Variants in AFF3 observed in about 807,000 individuals in gnomAD.
AFF3 encodes the protein AF4/FMR2 family member 3.
Under a neutral mutation model 129.7 loss-of-function variants are expected in AFF3, and 32 were observed. That is an observed-to-expected ratio of 0.25 (90% CI 0.19 to 0.33). The LOEUF (loss-of-function observed/expected upper bound fraction) is 0.33, where lower values mean the gene tolerates loss of function less well. AFF3 is among the 10% of genes least tolerant of loss of function. The pLI is 1.00. For missense variants in AFF3, 1,373 were observed against 1,592.0 expected (o/e 0.86, Z 2.34); for synonymous variants, 644 against 635.4 (o/e 1.01, Z -0.20).
chr2:99,584,069 AAAT>A (rs1204729753), intron 16 of AFF3, among the ~76,000 whole-genome samples: 2 of 152,230 alleles, frequency 1.3e-5, no homozygotes, highest in African/African-American at 4.8e-5. Flanking sequence ...TAATATAGAA[AAAT>A]AATAAAACCA....
intron 22 of AFF3, 40 bp from the exon 23 acceptor site, chr2:99,554,772 C>A (rs760246837): frequency 4.3e-6 from 7 of 1,611,600 alleles, no homozygotes; most frequent in Non-Finnish European, 5.1e-6. Flanking sequence ...GTGCCATCTG[C>A]GTGAGGTGAA....
chr2:99,718,978 C>T (rs1195126016), intron 11 of AFF3, among the ~76,000 whole-genome samples: 2 of 151,186 alleles, frequency 1.3e-5, no homozygotes. Flanking sequence ...GTCTTGATCT[C>T]CTGACCTCAT....
At chr2:99,769,050 G>T (rs1016892883) in intron 8 of AFF3, among the ~76,000 whole-genome samples, 1 of 152,096 alleles carries the variant, frequency 6.6e-6, no homozygotes, top group Non-Finnish European at 1.5e-5. Flanking sequence ...TCTAGGTTCC[G>T]TTATTATACC....
chr2:100,090,440 T>G (rs1473020833), intron 4 of AFF3, among the ~76,000 whole-genome samples: 1 of 152,168 alleles, frequency 6.6e-6, no homozygotes, highest in African/African-American at 2.4e-5. Flanking sequence ...AGGCAGTGTA[T>G]TTTTAACATT....
At chr2:99,701,104 C>G (rs1171860411) in intron 11 of AFF3, among the ~76,000 whole-genome samples, 2 of 152,154 alleles carry the variant, frequency 1.3e-5, no homozygotes, top group East Asian at 3.9e-4. Context: ...GTGGCCGGAG[C>G]AGCAAGCTGG....
At chr2:99,615,042 A>C (rs1447318634) in intron 13 of AFF3, among the ~76,000 whole-genome samples, 1 of 152,254 alleles carries the variant, frequency 6.6e-6, no homozygotes, top group Non-Finnish European at 1.5e-5. Context: ...TTAATACTAA[A>C]AGTCCATCAG....
chr2:99,875,745 G>A (rs1242430580), intron 7 of AFF3, among the ~76,000 whole-genome samples: 2 of 152,164 alleles, frequency 1.3e-5, no homozygotes, highest in Non-Finnish European at 2.9e-5. Context: ...AGTTCTGGAA[G>A]GCCGGTGAGC....
At chr2:99,622,931 T>A (rs933489895) in intron 13 of AFF3, among the ~76,000 whole-genome samples, 1 of 152,158 alleles carries the variant, frequency 6.6e-6, no homozygotes, top group Admixed American at 6.5e-5. Flanking sequence ...ATGTCTTTGA[T>A]CAGAATGACT....
At chr2:100,080,227 T>C (rs1005782654) in intron 4 of AFF3, among the ~76,000 whole-genome samples, 10 of 152,192 alleles carry the variant, frequency 6.6e-5, no homozygotes, top group Non-Finnish European at 1.3e-4. Context: ...CCTTGTATGT[T>C]TGATAGAGGC....
At chr2:99,715,151 G>A (rs1456777108) in intron 11 of AFF3, among the ~76,000 whole-genome samples, 1 of 152,210 alleles carries the variant, frequency 6.6e-6, no homozygotes, top group Non-Finnish European at 1.5e-5. Flanking sequence ...TGTCCTTGGA[G>A]AAGAGCTCAC....
chr2:100,026,674 T>G (rs1485569917), intron 4 of AFF3, among the ~76,000 whole-genome samples: 1 of 149,406 alleles, frequency 6.7e-6, no homozygotes, highest in Non-Finnish European at 1.5e-5. Context: ...AACAAGTGGA[T>G]AAAGAAACTG....
intron 10 of AFF3, among the ~76,000 whole-genome samples, chr2:99,738,002 G>A (rs1403592974): frequency 2.6e-5 from 4 of 151,862 alleles, no homozygotes; most frequent in Non-Finnish European, 4.4e-5. Flanking sequence ...ACTCCTCCAA[G>A]TTTTCTTGCT....
chr2:99,772,511 C>A (rs1317471782), intron 8 of AFF3, among the ~76,000 whole-genome samples: 2 of 152,216 alleles, frequency 1.3e-5, no homozygotes, highest in Non-Finnish European at 2.9e-5. Flanking sequence ...CTCTGGAAAT[C>A]TTGTATCAAT....
intron 7 of AFF3, among the ~76,000 whole-genome samples, chr2:99,904,641 C>A (rs371063085): frequency 8.8e-4 from 134 of 152,182 alleles, no homozygotes; most frequent in African/African-American, 3.1e-3. Context: ...TCAGGGAGGG[C>A]ACTATTGAAA....
intron 8 of AFF3, among the ~76,000 whole-genome samples, chr2:99,829,090 T>C (rs941600324): frequency 2.0e-5 from 3 of 152,192 alleles, no homozygotes; most frequent in African/African-American, 7.2e-5. Context: ...AGCACATTTC[T>C]GATCACAAAA....
At chr2:100,080,198 C>T (rs1044033372) in intron 4 of AFF3, among the ~76,000 whole-genome samples, 1 of 152,134 alleles carries the variant, frequency 6.6e-6, no homozygotes, top group Admixed American at 6.5e-5. Flanking sequence ...CAGGCTGAAA[C>T]CTAACTATGC....
chr2:100,001,521 C>T lies in AFF3; in HGVS notation c.873+5111G>A, dbSNP rs149584353. Among the ~76,000 whole-genome samples the T allele has an allele frequency of 1.2e-4, 19 of 152,316 alleles. No individual in the cohort carries two copies. In the East Asian group the frequency reaches 1.7e-3, roughly 14 times the overall value. ...TCGTCTCACCGCAATTTCTGCATCCCGAGTTCAGGCAATTCTTCTGCCTCA... is the reference window on the plus strand; with the variant it reads ...TCGTCTCACCGCAATTTCTGCATCCTGAGTTCAGGCAATTCTTCTGCCTCA... On this transcript the variant is annotated intron_variant, in intron 7 of 24. Transcript: ENST00000672756.
intron 4 of AFF3, among the ~76,000 whole-genome samples, chr2:100,038,734 T>G (rs1685181237): frequency 6.6e-6 from 1 of 151,956 alleles, no homozygotes; most frequent in Non-Finnish European, 1.5e-5. Context: ...CTTCTTTTTT[T>G]TTTTTTTAGA....
intron 2 of AFF3, among the ~76,000 whole-genome samples, chr2:100,111,320 G>A (rs1012312879): frequency 3.9e-5 from 6 of 152,240 alleles, no homozygotes; most frequent in Non-Finnish European, 8.8e-5. Context: ...GGGCAGCACT[G>A]CCAAAGAATT....
Sources: allele counts gnomAD v4.1 joint callset (sites outside exome capture counted in the v4.1 genomes callset), GRCh38; gene constraint gnomAD v4.1.1; transcripts MANE v1.5; gene names NCBI Gene and HGNC (gene_info 2026-07-23, HGNC 2026-07-21).